The following CD200R1L variants were observed in gnomAD, a reference collection of about 807,000 sequenced individuals.
CD200R1L encodes CD200 receptor 1 like.
Under a neutral mutation model 24.8 loss-of-function variants are expected in CD200R1L, and 14 were observed. The ratio of observed to expected loss-of-function variants is 0.56; its 90% CI spans 0.37 to 0.88. CD200R1L has a LOEUF of 0.88. Among genes scored for constraint, CD200R1L ranks in the 40% least tolerant of loss-of-function variants. The pLI is 0.00. For synonymous variants in CD200R1L, 111 were observed against 109.2 expected (o/e 1.02, Z -0.11); for missense variants, 299 against 297.8 (o/e 1.00, Z -0.03).
chr3:112,834,624 A>T (rs1184203942), intron 3 of CD200R1L, among the ~76,000 whole-genome samples: 2 of 152,178 alleles, frequency 1.3e-5, no homozygotes, highest in African/African-American at 4.8e-5. Context: ...GGCCAATGGC[A>T]CCTTTGCCCA....
chr3:112,830,712 T>C (rs556536042), intron 3 of CD200R1L, among the ~76,000 whole-genome samples: 1 of 152,232 alleles, frequency 6.6e-6, no homozygotes, highest in Non-Finnish European at 1.5e-5. Context: ...TAAAAATTTC[T>C]ACATGCCAAT....
At chr3:112,838,921 A>C (rs1014600188) in intron 2 of CD200R1L, among the ~76,000 whole-genome samples, 1 of 152,200 alleles carries the variant, frequency 6.6e-6, no homozygotes, top group African/African-American at 2.4e-5. Flanking sequence ...TAAGAAAAAA[A>C]ATTCTCTTTA....
chr3:112,840,001 A>G (rs1939042563), intron 2 of CD200R1L, among the ~76,000 whole-genome samples: 1 of 152,230 alleles, frequency 6.6e-6, no homozygotes, highest in African/African-American at 2.4e-5. Context: ...TACACCACAC[A>G]CCAAAATATC....
chr3:112,826,879 T>C (rs988308525), intron 6 of CD200R1L, 114 bp downstream of exon 6: 1 of 1,207,804 alleles, frequency 8.3e-7, no homozygotes, highest in Non-Finnish European at 1.1e-6. Context: ...TTTGAGAGAA[T>C]ATTTTCAAGC....
Position 112,827,793 on chromosome 3 carries a change from C to T in CD200R1L, c.50-109G>A, listed in dbSNP as rs1938704173. On this transcript the variant is annotated intron_variant, in intron 4 of 7. Transcript: ENST00000488794. ...GAAGTTTTATTAGAACATAAATTTGCTGATCTTATTCCAGAAATATTAGAC... is the reference window on the plus strand; with the variant it reads ...GAAGTTTTATTAGAACATAAATTTGTTGATCTTATTCCAGAAATATTAGAC... 1.2e-5 allele frequency: 13 copies of T among 1,065,966 alleles called. No homozygotes were observed. In the South Asian group the frequency reaches 1.8e-4, roughly 15 times the overall value. 66.0% of individuals were successfully genotyped at this position (1,065,966 alleles called of 1,614,324 possible).
chr3:112,840,965 C>G (rs1939066403), intron 2 of CD200R1L, among the ~76,000 whole-genome samples: 1 of 152,082 alleles, frequency 6.6e-6, no homozygotes, highest in Admixed American at 6.5e-5. Flanking sequence ...ATCACACAGT[C>G]CAGAGCTATT....
intron 2 of CD200R1L, among the ~76,000 whole-genome samples, chr3:112,839,994 A>G (rs1458812201): frequency 6.6e-6 from 1 of 152,194 alleles, no homozygotes; most frequent in African/African-American, 2.4e-5. Context: ...AAGAAGTTAC[A>G]CCACACACCA....
chr3:112,823,960 A>G (rs1175769117), intron 6 of CD200R1L, among the ~76,000 whole-genome samples: 1 of 152,008 alleles, frequency 6.6e-6, no homozygotes, highest in Non-Finnish European at 1.5e-5. Context: ...CTCAATACGA[A>G]CTATAAGAGA....
intron 2 of CD200R1L, among the ~76,000 whole-genome samples, chr3:112,840,795 T>C (rs1478532853): frequency 1.3e-5 from 2 of 152,194 alleles, no homozygotes; most frequent in African/African-American, 4.8e-5. Flanking sequence ...CTGAAATTGT[T>C]TGCTGGGTGT....
intron 6 of CD200R1L, among the ~76,000 whole-genome samples, chr3:112,824,021 C>T (rs919205712): frequency 6.6e-6 from 1 of 152,098 alleles, no homozygotes; most frequent in Non-Finnish European, 1.5e-5. Context: ...AAGTTCCCTC[C>T]AGAAACAGTA....
intron 3 of CD200R1L, among the ~76,000 whole-genome samples, chr3:112,831,598 G>A (rs866873377): frequency 6.6e-6 from 1 of 152,168 alleles, no homozygotes; most frequent in East Asian, 1.9e-4. Context: ...AGCCCCTAAC[G>A]CAATACAATT....
intron 3 of CD200R1L, among the ~76,000 whole-genome samples, chr3:112,832,935 A>G (rs1938846257): frequency 1.3e-5 from 2 of 152,246 alleles, no homozygotes; most frequent in Admixed American, 1.3e-4. Context: ...TGATGACATC[A>G]TATCAATTAG....
rs761157266 is a variant in CD200R1L at position 112,827,418 on chromosome 3, C to G, written c.316G>C (p.Val106Leu). 1 of 1,614,224 alleles carries G rather than the reference C, an allele frequency of 6.2e-7. No individual in the cohort carries two copies. The highest frequency in any genetic ancestry group is 1.1e-5 in the South Asian group (1 of 91,078). The change falls in exon 5 of 8, where the codon GTG (valine) becomes CTG (leucine). Residue 106 changes from valine (V) to leucine (L), a missense_variant. Physicochemically the swap from Val to Leu is conservative, Grantham distance 32. Coordinates refer to ENST00000488794, the MANE Select transcript of CD200R1L (RefSeq NM_001199215.3). Reference sequence around the variant, plus strand: ...TGGAAATTCCCATCAGGTGTTACCACTATGCCTCTGTAATACCCGTCATGA... The same window carrying G: ...TGGAAATTCCCATCAGGTGTTACCAGTATGCCTCTGTAATACCCGTCATGA... Reference protein sequence around the residue: ...TTHDGYYRGIVVTPDGNFHRG... With the variant: ...TTHDGYYRGILVTPDGNFHRG...
intron 7 of CD200R1L, among the ~76,000 whole-genome samples, chr3:112,817,332 T>C (rs963501698): frequency 2.0e-5 from 3 of 152,198 alleles, no homozygotes; most frequent in Non-Finnish European, 2.9e-5. Context: ...GAGACTGGGC[T>C]AGATGTTGCA....
intron 4 of CD200R1L, among the ~76,000 whole-genome samples, chr3:112,828,214 C>G (rs1938713265): frequency 6.6e-6 from 1 of 152,114 alleles, no homozygotes; most frequent in Admixed American, 6.5e-5. Context: ...TTCAGACAAC[C>G]ATAAATGTGG....
At chr3:112,821,701 C>T (rs1169472197) in intron 6 of CD200R1L, among the ~76,000 whole-genome samples, 9 of 152,086 alleles carry the variant, frequency 5.9e-5, no homozygotes, top group African/African-American at 1.9e-4. Context: ...TGCAAATTGT[C>T]CTAAACCTTG....
chr3:112,829,499 A>G, intron 3 of CD200R1L, 115 bp from the exon 4 acceptor site: 1 of 1,287,574 alleles, frequency 7.8e-7, no homozygotes, highest in Non-Finnish European at 1.0e-6. Flanking sequence ...CATAACTAAA[A>G]TTATACAAAA....
chr3:112,837,283 C>A (rs1223854399), intron 3 of CD200R1L, among the ~76,000 whole-genome samples: 1 of 151,656 alleles, frequency 6.6e-6, no homozygotes, highest in Admixed American at 6.6e-5. Context: ...AGTCTTTATC[C>A]CATTAAAAAA....
rs557755466 is a variant in CD200R1L, at chr3:112,819,712, G to A, written c.740+60C>T. On this transcript the variant is annotated intron_variant, in intron 7 of 7. Transcript: ENST00000488794. ...TCCCAGTACATTGTAAACTCAAAAT[G>A]TTACAATGATACTTTTTTTTTTCTA... The A allele has an allele frequency of 4.8e-6, 7 of 1,470,790 alleles. No individual in the cohort carries two copies. In the South Asian group the frequency reaches 9.7e-5, roughly 20 times the overall value. The allele number at this position is 1,470,790 out of a possible 1,614,324, so 91.1% of individuals were successfully genotyped here.
Sources: allele counts gnomAD v4.1 joint callset (sites outside exome capture counted in the v4.1 genomes callset), GRCh38; gene constraint gnomAD v4.1.1; transcripts MANE v1.5; gene names NCBI Gene and HGNC (gene_info 2026-07-23, HGNC 2026-07-21).